TMEM135: variants seen among roughly 807,000 people sequenced by gnomAD.
The protein encoded by TMEM135 is peroxisomal membrane protein 52.
Under a neutral mutation model 60.3 loss-of-function variants are expected in TMEM135, and 30 were observed. That is an observed-to-expected ratio of 0.50 (90% confidence interval 0.37 to 0.68). The LOEUF is 0.68. Among genes scored for constraint, TMEM135 ranks in the 30% least tolerant of loss-of-function variants. The pLI is 0.00. For synonymous variants in TMEM135, 190 were observed against 186.7 expected (o/e 1.02, Z -0.14); for missense variants, 468 against 548.8 (o/e 0.85, Z 1.47).
chr11:87,265,458 A>G (rs773413244), intron 6 of TMEM135, among the ~76,000 whole-genome samples: 25 of 151,928 alleles, frequency 1.6e-4, no homozygotes, highest in Non-Finnish European at 3.5e-4. Flanking sequence ...AATTGAGTCT[A>G]TTACTCCTCA....
At chr11:87,261,306 A>G (rs1377802286) in intron 6 of TMEM135, among the ~76,000 whole-genome samples, 1 of 152,056 alleles carries the variant, frequency 6.6e-6, no homozygotes, top group Admixed American at 6.5e-5. Context: ...TTCTGCCTTG[A>G]TTTATTACCC....
chr11:87,227,717 T>C (rs1181115686), intron 5 of TMEM135, among the ~76,000 whole-genome samples: 1 of 152,188 alleles, frequency 6.6e-6, no homozygotes, highest in African/African-American at 2.4e-5. Context: ...GCATATATTT[T>C]GACTTTGAAC....
Position 87,326,062 on chromosome 11 carries a change from C to T in TMEM135, c.*4729C>T. ...AGTTTATACTTCTTTCTTTAGCTCA[C>T]AAACTACTATAGCTTGCCTGTTCAG... is the stretch of plus-strand genomic sequence containing the variant. On this transcript the variant is annotated 3_prime_UTR_variant, in exon 15 of 15. Transcript: ENST00000305494. 3 of 453,734 alleles carry T rather than the reference C, an allele frequency of 6.6e-6. No homozygotes were observed. The highest frequency in any genetic ancestry group is 1.3e-5 in the Non-Finnish European group (3 of 226,696). The allele number at this position is 453,734 out of a possible 1,614,324, so 28.1% of individuals were successfully genotyped here. A position where few individuals can be genotyped will look rare whatever the true frequency, so the allele number is the denominator to read the frequency against.
At chr11:87,154,340 A>G (rs1938635248) in intron 4 of TMEM135, among the ~76,000 whole-genome samples, 1 of 152,212 alleles carries the variant, frequency 6.6e-6, no homozygotes, top group Non-Finnish European at 1.5e-5. Context: ...ATAATACTCC[A>G]TTGTATGTAT....
chr11:87,038,178 C>T lies in TMEM135; in HGVS notation c.133C>T (p.Leu45=). ...GGAGTCCCTGAAGATCTATGCTCCTCTGTACTTGGTGAGACCCGTCACCCG... is the reference window on the plus strand; with the variant it reads ...GGAGTCCCTGAAGATCTATGCTCCTTTGTACTTGGTGAGACCCGTCACCCG... ...LEESLKIYAP[L]YLIAAILRKR... is the part of the protein sequence containing the mutation. Residue 45 remains leucine, a synonymous_variant, in exon 1 of 15, where the codon CTG becomes TTG. Coordinates refer to ENST00000305494, the MANE Select transcript of TMEM135 (RefSeq NM_022918.4). The T allele has an allele frequency of 6.2e-7, 1 of 1,614,114 alleles. No homozygotes were observed. Among genetic ancestry groups the T allele is most frequent in the African/African-American group, 1.3e-5 (1 of 75,048 alleles).
rs745458620 is a variant in TMEM135, at chr11:87,302,352, A to G, written c.608A>G (p.Tyr203Cys). The G allele has an allele frequency of 1.2e-5, 19 of 1,613,922 alleles. No individual in the cohort carries two copies. In the East Asian group the frequency reaches 1.8e-4, roughly 15 times the overall value. The part of the protein sequence containing the change: ...PTHSFSPEAA[Y>C]AKVEQKREQH... The stretch of plus-strand genomic sequence containing the variant: ...CATTCTTTTTCACCAGAGGCAGCAT[A>G]TGCAAAAGTGGAACAAAAGAGAGAG... The change falls in exon 8 of 15, where the codon TAT becomes TGT. Residue 203 changes from tyrosine to cysteine, a missense_variant. Physicochemically the swap from Tyr to Cys is radical, Grantham distance 194 (BLOSUM62 -2). Transcript: ENST00000305494.
At chr11:87,318,092 C>T in intron 12 of TMEM135, 45 bp from the exon 13 acceptor site, 1 of 1,467,998 alleles carries the variant, frequency 6.8e-7, no homozygotes, top group Non-Finnish European at 9.5e-7. Context: ...GTTTTTAATG[C>T]TGAGGTTTTT....
chr11:87,124,283 C>T (rs1272088126), intron 4 of TMEM135, among the ~76,000 whole-genome samples: 4 of 152,168 alleles, frequency 2.6e-5, no homozygotes, highest in African/African-American at 4.8e-5. Flanking sequence ...GGAACTAGGG[C>T]ATCTACGGGA....
intron 5 of TMEM135, among the ~76,000 whole-genome samples, chr11:87,233,138 A>C (rs1050673969): frequency 2.0e-5 from 3 of 152,144 alleles, no homozygotes; most frequent in Middle Eastern, 3.2e-3. Context: ...TGACAGAGTG[A>C]GAGTCCGTCT....
chr11:87,111,650 CAAAAAA>C (rs746609752), intron 4 of TMEM135, among the ~76,000 whole-genome samples: 1 of 73,928 alleles, frequency 1.4e-5, no homozygotes. Context: ...GACTCCGTCT[CAAAAAA>C]AAAAAAAAAA....
At chr11:87,157,475 T>A in intron 5 of TMEM135, 69 bp downstream of exon 5, 1 of 1,308,848 alleles carries the variant, frequency 7.6e-7, no homozygotes, top group Non-Finnish European at 1.1e-6. Flanking sequence ...ATATAAAATG[T>A]GATGAAATCT....
intron 6 of TMEM135, among the ~76,000 whole-genome samples, chr11:87,274,738 A>T (rs1417806117): frequency 1.3e-5 from 2 of 151,030 alleles, no homozygotes; most frequent in Admixed American, 6.6e-5. Flanking sequence ...AGGCAGAAGG[A>T]CTGCTTGAGG....
intron 6 of TMEM135, among the ~76,000 whole-genome samples, chr11:87,237,801 C>T (rs1165845471): frequency 6.6e-6 from 1 of 151,784 alleles, no homozygotes; most frequent in East Asian, 1.9e-4. Context: ...ATCACCCCCA[C>T]CTCCCCCTGC....
chr11:87,064,751 G>A (rs1304105797), intron 1 of TMEM135, among the ~76,000 whole-genome samples: 1 of 152,192 alleles, frequency 6.6e-6, no homozygotes, highest in Non-Finnish European at 1.5e-5. Context: ...GGGCGTGGTG[G>A]CCGGCGCCTG....
At position 87,323,972 on chromosome 11, in the gene TMEM135, AGTT is replaced by A. The variant is rs766143854; in HGVS notation, c.*2643_*2645del. 2.9e-5 allele frequency: 13 copies of A among 453,640 alleles called. No homozygotes were observed. The highest frequency in any genetic ancestry group is 2.0e-4 in the African/African-American group (10 of 49,944). The allele number at this position is 453,640 out of a possible 1,614,324, so 28.1% of individuals were successfully genotyped here. ...TTTTGCCTTCATTCGTTGTTTAGTC[AGTT>A]GTTATTTAATTTAGAATTTTATATT... On this transcript the variant is annotated 3_prime_UTR_variant, in exon 15 of 15. Coordinates refer to ENST00000305494, the MANE Select transcript of TMEM135 (RefSeq NM_022918.4).
chr11:87,098,376 GT>G (rs1483561040), intron 4 of TMEM135, among the ~76,000 whole-genome samples: 4 of 143,432 alleles, frequency 2.8e-5, no homozygotes, highest in Non-Finnish European at 6.0e-5. Context: ...TTATTTACAA[GT>G]AAAACCTTGC....
intron 5 of TMEM135, among the ~76,000 whole-genome samples, chr11:87,211,110 G>A (rs1297456718): frequency 1.3e-5 from 2 of 152,054 alleles, no homozygotes; most frequent in Non-Finnish European, 2.9e-5. Flanking sequence ...TACTCTTACC[G>A]CTCCTATTCA....
intron 4 of TMEM135, among the ~76,000 whole-genome samples, chr11:87,114,176 A>G (rs1857820707): frequency 1.3e-5 from 2 of 152,142 alleles, no homozygotes; most frequent in African/African-American, 4.8e-5. Context: ...GTACTCCAGC[A>G]AAATAAAAAG....
chr11:87,165,696 C>G (rs1323424793), intron 5 of TMEM135, among the ~76,000 whole-genome samples: 1 of 151,360 alleles, frequency 6.6e-6, no homozygotes, highest in Non-Finnish European at 1.5e-5. Flanking sequence ...AAAGCAAGAG[C>G]AAATACATTC....
Sources: allele counts gnomAD v4.1 joint callset (sites outside exome capture counted in the v4.1 genomes callset), GRCh38; gene constraint gnomAD v4.1.1; transcripts MANE v1.5; gene names NCBI Gene and HGNC (gene_info 2026-07-23, HGNC 2026-07-21).